Variants in LSAMP observed in about 807,000 individuals in gnomAD.
LSAMP encodes limbic system associated membrane protein.
Under a neutral mutation model 38.6 loss-of-function variants are expected in LSAMP, and 7 were observed. The ratio of observed to expected loss-of-function variants is 0.18; its 90% confidence interval spans 0.10 to 0.34. The LOEUF (loss-of-function observed/expected upper bound fraction) is 0.34, where lower values mean the gene tolerates loss of function less well. Ranked by LOEUF, LSAMP falls within the 10% of genes least tolerant of loss-of-function variation. The pLI, the probability that LSAMP is intolerant of heterozygous loss-of-function variation, is 1.00. For synonymous variants in LSAMP, 154 were observed against 166.8 expected (o/e 0.92, Z 0.59); for missense variants, 313 against 420.0 (o/e 0.75, Z 2.23).
At chr3:115,910,719 T>G (rs572979151) in intron 3 of LSAMP, among the ~76,000 whole-genome samples, 1 of 152,304 alleles carries the variant, frequency 6.6e-6, no homozygotes, top group African/African-American at 2.4e-5. Flanking sequence ...TCCTCAACAC[T>G]GCAAACCACT....
At chr3:116,029,332 T>C (rs1201835298) in intron 2 of LSAMP, among the ~76,000 whole-genome samples, 1 of 152,136 alleles carries the variant, frequency 6.6e-6, no homozygotes, top group African/African-American at 2.4e-5. Flanking sequence ...TACTGGAACA[T>C]GATTTCATTT....
intron 2 of LSAMP, among the ~76,000 whole-genome samples, chr3:116,082,189 G>A (rs2107411782): frequency 6.6e-6 from 1 of 152,262 alleles, no homozygotes; most frequent in South Asian, 2.1e-4. Context: ...TCAAGCACAT[G>A]AGATTAATCT....
At position 116,167,000 on chromosome 3, in the gene LSAMP, C is replaced by T. The variant is rs572541865; in HGVS notation, c.156-80444G>A. Among the ~76,000 whole-genome samples, 10 of 152,078 alleles carry T rather than the reference C, an allele frequency of 6.6e-5. No homozygotes were observed. The East Asian group carries it at 1.6e-3, about 24-fold the overall frequency. On this transcript the variant is annotated intron_variant, in intron 1 of 6. Transcript: ENST00000490035. Reference sequence around the variant, plus strand: ...TAGAGACGGGGTTTCACCGTGTTAGCCAGGATGGTCTTGATCTCCTGACCT... The same window carrying T: ...TAGAGACGGGGTTTCACCGTGTTAGTCAGGATGGTCTTGATCTCCTGACCT...
At chr3:115,980,172 C>A (rs1279008553) in intron 3 of LSAMP, among the ~76,000 whole-genome samples, 1 of 152,078 alleles carries the variant, frequency 6.6e-6, no homozygotes, top group African/African-American at 2.4e-5. Flanking sequence ...GTAAAATATT[C>A]TTTCAAGTTT....
At chr3:116,416,336 T>C (rs1242862925) in intron 1 of LSAMP, among the ~76,000 whole-genome samples, 4 of 152,156 alleles carry the variant, frequency 2.6e-5, no homozygotes, top group African/African-American at 4.8e-5. Context: ...TGCAGTGACA[T>C]GTAAATGTTA....
At chr3:115,862,869 G>A (rs2107363644) in intron 3 of LSAMP, among the ~76,000 whole-genome samples, 1 of 152,338 alleles carries the variant, frequency 6.6e-6, no homozygotes, top group Admixed American at 6.5e-5. Context: ...CACAGTGGGA[G>A]TGGGGGTCCC....
intron 1 of LSAMP, among the ~76,000 whole-genome samples, chr3:116,342,804 A>G (rs186002545): frequency 3.9e-5 from 6 of 152,222 alleles, no homozygotes; most frequent in Non-Finnish European, 8.8e-5. Flanking sequence ...ACGGTCCAAG[A>G]TATGCTCTAT....
In LSAMP at chr3:116,019,545, C is replaced by G; in HGVS notation, c.484G>C (p.Val162Leu). 3 of 1,612,698 alleles carry G rather than the reference C, an allele frequency of 1.9e-6. No individual in the cohort carries two copies. The highest frequency in any genetic ancestry group is 2.5e-6 in the Non-Finnish European group (3 of 1,179,004). The change falls in exon 3 of 7, where the codon GTT (valine) becomes CTT (leucine). Residue 162 changes from valine (V) to leucine (L), a missense_variant. Physicochemically the swap from Val to Leu is conservative, Grantham distance 32. Coordinates refer to ENST00000490035, the MANE Select transcript of LSAMP (RefSeq NM_002338.5). ...GGTGTAAGGTGTCTCCAGGTGATAA[C>G]AGGTTCAGGACGGCCATTGGCCATG... ...VCMANGRPEP[V>L]ITWRHLTPTG...
intron 3 of LSAMP, among the ~76,000 whole-genome samples, chr3:115,944,611 C>T (rs1162516470): frequency 6.6e-6 from 1 of 152,080 alleles, no homozygotes; most frequent in Non-Finnish European, 1.5e-5. Context: ...ACTAAGTATG[C>T]TTTTTACTGT....
intron 1 of LSAMP, among the ~76,000 whole-genome samples, chr3:116,256,521 C>G (rs550520944): frequency 6.6e-6 from 1 of 152,266 alleles, no homozygotes; most frequent in South Asian, 2.1e-4. Context: ...AGTAATAAAA[C>G]AGTCCATTGA....
At chr3:116,030,372 A>G (rs1576319346) in intron 2 of LSAMP, among the ~76,000 whole-genome samples, 1 of 152,034 alleles carries the variant, frequency 6.6e-6, no homozygotes, top group Non-Finnish European at 1.5e-5. Context: ...AGCAAATGGA[A>G]CCCTTCTGAG....
intron 1 of LSAMP, among the ~76,000 whole-genome samples, chr3:116,270,078 C>T (rs556742381): frequency 1.3e-5 from 2 of 152,296 alleles, no homozygotes; most frequent in East Asian, 3.9e-4. Flanking sequence ...ACCCAATTTA[C>T]TTGCCTTATT....
chr3:115,992,446 A>G (rs976388850), intron 3 of LSAMP, among the ~76,000 whole-genome samples: 4 of 152,050 alleles, frequency 2.6e-5, no homozygotes, highest in African/African-American at 9.7e-5. Context: ...GGCTCCTACA[A>G]GTGAGTAGGA....
At chr3:116,330,960 G>A (rs2047843675) in intron 1 of LSAMP, among the ~76,000 whole-genome samples, 1 of 152,008 alleles carries the variant, frequency 6.6e-6, no homozygotes, top group Admixed American at 6.6e-5. Flanking sequence ...AGATTTACCT[G>A]ACAAAGACTT....
At chr3:116,166,939 C>T (rs548528797) in intron 1 of LSAMP, among the ~76,000 whole-genome samples, 69 of 151,656 alleles carry the variant, frequency 4.5e-4, no homozygotes, top group African/African-American at 1.3e-3. Flanking sequence ...TACAGGCGCC[C>T]GCCACCAGGC....
chr3:116,248,803 A>T (rs2046637006), intron 1 of LSAMP, among the ~76,000 whole-genome samples: 1 of 151,960 alleles, frequency 6.6e-6, no homozygotes, highest in Non-Finnish European at 1.5e-5. Context: ...GTCTGTGTAG[A>T]CTGATGTGTG....
chr3:116,294,946 C>CTTA (rs1034075923), intron 1 of LSAMP, among the ~76,000 whole-genome samples: 51 of 152,096 alleles, frequency 3.4e-4, no homozygotes, highest in African/African-American at 1.2e-3. Context: ...CTGCATAGTT[C>CTTA]TTACAATCTT....
At chr3:116,429,756 C>T (rs1332099675) in intron 1 of LSAMP, among the ~76,000 whole-genome samples, 1 of 151,966 alleles carries the variant, frequency 6.6e-6, no homozygotes, top group Admixed American at 6.6e-5. Context: ...ATAACACAGG[C>T]CTTGGAGTAG....
intron 1 of LSAMP, among the ~76,000 whole-genome samples, chr3:116,365,674 T>A (rs2048340876): frequency 1.5e-5 from 1 of 67,982 alleles, no homozygotes. Flanking sequence ...CATGGAATAC[T>A]ATGCAGCCAT....
Sources: allele counts gnomAD v4.1 joint callset (sites outside exome capture counted in the v4.1 genomes callset), GRCh38; gene constraint gnomAD v4.1.1; transcripts MANE v1.5; gene names NCBI Gene and HGNC (gene_info 2026-07-23, HGNC 2026-07-21).